CLDN18: variants seen among roughly 807,000 people sequenced by gnomAD.
CLDN18 encodes claudin 18, also known as claudin-18.
Under a neutral mutation model 25.0 loss-of-function variants are expected in CLDN18, and 20 were observed. The observed-to-expected ratio is 0.80, with a 90% confidence interval of 0.56 to 1.16. The LOEUF is 1.16. Among genes scored for constraint, CLDN18 ranks in the 50% most tolerant of loss-of-function variants. CLDN18 has a pLI of 0.00. For missense variants in CLDN18, 297 were observed against 345.4 expected, an observed-to-expected ratio of 0.86 and a Z score of 1.11; for synonymous variants, 125 against 135.6, an observed-to-expected ratio of 0.92 and a Z score of 0.54.
At chr3:138,000,087 A>C (rs1576404097) in intron 1 of CLDN18, among the ~76,000 whole-genome samples, 1 of 152,224 alleles carries the variant, frequency 6.6e-6, no homozygotes, top group East Asian at 1.9e-4. Flanking sequence ...CACACAAAAA[A>C]GGTAACAACA....
Position 138,023,638 on chromosome 3 carries a change from T to A in CLDN18, c.221-20T>A, listed in dbSNP as rs569480686. 5 of 1,611,646 alleles carry A rather than the reference T, an allele frequency of 3.1e-6. No homozygotes were observed. The African/African-American group carries it at 6.7e-5, about 21-fold the overall frequency. On this transcript the variant is annotated intron_variant, in intron 1 of 4. Coordinates refer to ENST00000183605, the MANE Select transcript of CLDN18 (RefSeq NM_016369.4). The stretch of plus-strand genomic sequence containing the variant: ...AGTTGGTCTTATTTGTCTGCTTGTG[T>A]CTTGCCCCTTGTCCCACAGCCATGC...
In CLDN18 at chr3:138,031,180, G is replaced by A. The variant is rs374979503; in HGVS notation, c.*39G>A. The A allele has an allele frequency of 5.9e-5, 90 of 1,512,996 alleles. No individual in the cohort carries two copies. Among genetic ancestry groups the A allele is most frequent in the South Asian group, 9.2e-5 (7 of 75,686 alleles). The allele number at this position is 1,512,996 out of a possible 1,614,324, so 93.7% of individuals were successfully genotyped here. ...CTCAGCACGGGCGGAAGAAACTCCC[G>A]GAGAGCTCACCCAAAAAACAAGGAG... On this transcript the variant is annotated 3_prime_UTR_variant, in exon 5 of 5. Transcript: ENST00000183605.
intron 2 of CLDN18, among the ~76,000 whole-genome samples, chr3:138,024,177 AAACTT>A (rs1352551858): frequency 6.6e-6 from 1 of 152,144 alleles, no homozygotes; most frequent in Non-Finnish European, 1.5e-5. Context: ...TAAAAAAAAA[AAACTT>A]AGTTAGCTTT....
At chr3:138,030,112 T>C (rs190154410) in intron 4 of CLDN18, among the ~76,000 whole-genome samples, 1 of 152,370 alleles carries the variant, frequency 6.6e-6, no homozygotes, top group Admixed American at 6.5e-5. Flanking sequence ...TGTGATCCTA[T>C]TTGAAAGAAA....
At chr3:138,012,558 C>CACCACCCCAACTGTCCT (rs1559804800) in intron 1 of CLDN18, among the ~76,000 whole-genome samples, 1 of 152,110 alleles carries the variant, frequency 6.6e-6, no homozygotes, top group African/African-American at 2.4e-5. Flanking sequence ...TTCCCCCCTC[C>CACCACCCCAACTGTCCT]ACCACCCCAA....
chr3:138,030,541 G>A (rs1157499555), intron 4 of CLDN18, among the ~76,000 whole-genome samples: 5 of 152,164 alleles, frequency 3.3e-5, no homozygotes, highest in South Asian at 2.1e-4. Context: ...TGGGCTGAAC[G>A]TAGGTACCCT....
chr3:138,017,711 G>A (rs1430080935), intron 1 of CLDN18, among the ~76,000 whole-genome samples: 5 of 152,188 alleles, frequency 3.3e-5, no homozygotes, highest in African/African-American at 1.2e-4. Context: ...TATAAAGTTG[G>A]GGAGTCTATT....
exon 1 of CLDN18, chr3:137,999,058 C>G: frequency 6.2e-7 from 1 of 1,614,158 alleles, no homozygotes. Flanking sequence ...CACCGAGTGC[C>G]GGGGCTACTT....
chr3:138,023,383 G>GC (rs894186368), intron 1 of CLDN18, among the ~76,000 whole-genome samples: 9 of 151,964 alleles, frequency 5.9e-5, no homozygotes, highest in Admixed American at 5.9e-4. Context: ...CAATCCAAGG[G>GC]CCCCCCCAAG....
intron 1 of CLDN18, among the ~76,000 whole-genome samples, chr3:138,014,389 G>A (rs533115741): frequency 1.3e-5 from 2 of 152,302 alleles, no homozygotes; most frequent in East Asian, 1.9e-4. Context: ...CTATTGGTAA[G>A]CTCTGTCGGT....
At chr3:138,012,597 C>G (rs1158730981) in intron 1 of CLDN18, among the ~76,000 whole-genome samples, 1 of 152,164 alleles carries the variant, frequency 6.6e-6, no homozygotes, top group Non-Finnish European at 1.5e-5. Flanking sequence ...TCCTCCAAAC[C>G]TCCTCAAGCC....
intron 1 of CLDN18, among the ~76,000 whole-genome samples, chr3:138,002,733 AC>A (rs1222697588): frequency 6.6e-6 from 1 of 152,146 alleles, no homozygotes; most frequent in Admixed American, 6.5e-5. Flanking sequence ...TTCCAGAGAA[AC>A]CCTAGGCATA....
At chr3:138,005,373 GC>G (rs1159806528), upstream of CLDN18, among the ~76,000 whole-genome samples, 1 of 151,988 alleles carries the variant, frequency 6.6e-6, no homozygotes, top group Non-Finnish European at 1.5e-5. Flanking sequence ...TTCTCCTAAT[GC>G]TATCCCTCCC....
chr3:138,000,269 A>C (rs1942002092), intron 1 of CLDN18, among the ~76,000 whole-genome samples: 1 of 152,222 alleles, frequency 6.6e-6, no homozygotes. Context: ...CCAGTGTGGC[A>C]GGAGAAGAGG....
chr3:138,019,239 T>C (rs989291432), intron 1 of CLDN18, among the ~76,000 whole-genome samples: 2 of 152,242 alleles, frequency 1.3e-5, no homozygotes, highest in Non-Finnish European at 2.9e-5. Context: ...TCACCTGGTA[T>C]CACATTGTTC....
At position 138,031,307 on chromosome 3, in the gene CLDN18, T is replaced by C. The variant is rs2107891593; in HGVS notation, c.*166T>C. On this transcript the variant is annotated 3_prime_UTR_variant, in exon 5 of 5. Transcript: ENST00000183605. Reference sequence around the variant, plus strand: ...CAAATGGTCTTAGCCTCAGTCTCTGTCTCTAAATATTCCACCATAAAACAG... The same window carrying C: ...CAAATGGTCTTAGCCTCAGTCTCTGCCTCTAAATATTCCACCATAAAACAG... 8.4e-6 allele frequency: 4 copies of C among 478,726 alleles called. No individual in the cohort carries two copies. Among genetic ancestry groups the C allele is most frequent in the Non-Finnish European group, 1.4e-5 (4 of 278,316 alleles). The allele number at this position is 478,726 out of a possible 1,614,324, so 29.7% of individuals were successfully genotyped here. A position where few individuals can be genotyped will look rare whatever the true frequency, so the allele number is the denominator to read the frequency against.
intron 2 of CLDN18, among the ~76,000 whole-genome samples, chr3:138,024,321 C>T (rs551625675): frequency 6.6e-5 from 10 of 152,204 alleles, no homozygotes; most frequent in African/African-American, 2.2e-4. Context: ...TTTGACATTA[C>T]CAAAGAACCA....
At chr3:137,999,034 G>C in exon 1 of CLDN18, 2 of 1,614,216 alleles carry the variant, frequency 1.2e-6, no homozygotes, top group South Asian at 1.1e-5. Context: ...CTGTGTCCGA[G>C]AGAGCTCTGG....
intron 1 of CLDN18, among the ~76,000 whole-genome samples, chr3:137,999,705 G>T (rs1395570795): frequency 6.6e-6 from 1 of 152,216 alleles, no homozygotes; most frequent in Non-Finnish European, 1.5e-5. Context: ...CTGCACAGGG[G>T]ATTCTGCTGT....
Sources: gnomAD v4.1 joint callset for allele counts (sites outside exome capture counted in the v4.1 genomes callset) on GRCh38, gnomAD v4.1.1 for gene constraint, MANE v1.5 for transcripts, NCBI Gene and HGNC (gene_info 2026-07-23, HGNC 2026-07-21) for gene names.